ROBO2: variants seen among roughly 807,000 people sequenced by gnomAD.
ROBO2 encodes the protein roundabout homolog 2.
ROBO2 carries 53 observed loss-of-function variants against 160.8 expected under a neutral mutation model. That is an observed-to-expected ratio of 0.33 (90% CI 0.26 to 0.41). The LOEUF (loss-of-function observed/expected upper bound fraction) is 0.41. Ranked by LOEUF, ROBO2 falls within the 10% of genes least tolerant of loss-of-function variation. The pLI, the probability that ROBO2 is intolerant of heterozygous loss-of-function variation, is 1.00. For missense variants in ROBO2, 1,577 were observed against 1,722.4 expected (o/e 0.92, Z 1.49); for synonymous variants, 664 against 611.7 (o/e 1.09, Z -1.26).
At chr3:77,136,311 G>A (rs1464175511) in intron 2 of ROBO2, among the ~76,000 whole-genome samples, 5 of 151,926 alleles carry the variant, frequency 3.3e-5, no homozygotes, top group Non-Finnish European at 7.4e-5. Context: ...GCCTAAGTCT[G>A]ACTTAAGATT....
intron 8 of ROBO2, among the ~76,000 whole-genome samples, chr3:77,552,328 A>T (rs1299926129): frequency 2.0e-5 from 3 of 152,038 alleles, no homozygotes; most frequent in African/African-American, 7.2e-5. Flanking sequence ...ATTTTATAGA[A>T]GATTGACTCT....
At chr3:76,313,698 A>T (rs1447234278) in intron 2 of ROBO2, among the ~76,000 whole-genome samples, 1 of 152,130 alleles carries the variant, frequency 6.6e-6, no homozygotes, top group African/African-American at 2.4e-5. Flanking sequence ...ATTTCTAAAA[A>T]TCCTGGAAAA....
intron 2 of ROBO2, among the ~76,000 whole-genome samples, chr3:75,992,897 G>A (rs1386727575): frequency 2.6e-5 from 4 of 152,228 alleles, no homozygotes; most frequent in Non-Finnish European, 1.5e-5. Flanking sequence ...TGCCCTGCTG[G>A]ATTTTGGACT....
chr3:76,215,256 C>T (rs1703429047), intron 2 of ROBO2, among the ~76,000 whole-genome samples: 1 of 152,174 alleles, frequency 6.6e-6, no homozygotes, highest in Non-Finnish European at 1.5e-5. Context: ...TCGAGCACCT[C>T]TCCTCCTCCA....
At chr3:77,514,524 C>T (rs1045563992) in intron 5 of ROBO2, among the ~76,000 whole-genome samples, 2 of 151,712 alleles carry the variant, frequency 1.3e-5, no homozygotes, top group Non-Finnish European at 2.9e-5. Flanking sequence ...AATAAATGTA[C>T]TTATAAAGAG....
At chr3:76,882,227 T>C (rs1398541836) in intron 2 of ROBO2, among the ~76,000 whole-genome samples, 2 of 152,090 alleles carry the variant, frequency 1.3e-5, no homozygotes, top group African/African-American at 4.8e-5. Context: ...GTTGTTGCTG[T>C]GGTTGTTAGT....
intron 1 of ROBO2, among the ~76,000 whole-genome samples, chr3:75,919,809 CT>C (rs1403514049): frequency 1.3e-5 from 2 of 152,106 alleles, no homozygotes; most frequent in Non-Finnish European, 2.9e-5. Context: ...TCTAGATTTT[CT>C]AGTTTATTTG....
In ROBO2 at chr3:77,477,496, C is replaced by T. The variant is rs201406456; in HGVS notation, c.471C>T (p.Pro157=). The T allele has an allele frequency of 4.0e-4, 644 of 1,613,910 alleles. 2 individuals carry two copies. The highest frequency in any genetic ancestry group is 1.6e-3 in the East Asian group (70 of 44,864). ...CTGCAATCCTGGAGTGCCAGCCTCC[C>T]CGGGGACACCCAGAACCCACCATCT... is the stretch of plus-strand genomic sequence containing the variant. The change falls in exon 3 of 26, where the codon CCC becomes CCT. Residue 157 remains proline (P), a synonymous_variant. Transcript: ENST00000461745.
At chr3:76,118,402 A>G (rs2070569558) in intron 2 of ROBO2, among the ~76,000 whole-genome samples, 1 of 152,200 alleles carries the variant, frequency 6.6e-6, no homozygotes, top group Non-Finnish European at 1.5e-5. Context: ...ATAGCTCACT[A>G]AAGCATTATC....
At chr3:77,498,078 TATTTC>T (rs1218145884) in intron 5 of ROBO2, among the ~76,000 whole-genome samples, 2 of 152,184 alleles carry the variant, frequency 1.3e-5, no homozygotes, top group African/African-American at 2.4e-5. Flanking sequence ...GCAGAGTTTG[TATTTC>T]ATTTCATTAT....
chr3:77,596,646 G>A, exon 19 of ROBO2: 1 of 1,613,928 alleles, frequency 6.2e-7, no homozygotes, highest in South Asian at 1.1e-5. Flanking sequence ...CTCAATGCTG[G>A]TGATCCCAGC....
At chr3:76,081,615 G>T (rs1025817393) in intron 2 of ROBO2, among the ~76,000 whole-genome samples, 36 of 152,080 alleles carry the variant, frequency 2.4e-4, no homozygotes, top group African/African-American at 8.4e-4. Flanking sequence ...ACTTCACTCA[G>T]CTCCTACAGA....
chr3:75,979,488 C>A (rs1339955274), intron 2 of ROBO2, among the ~76,000 whole-genome samples: 4 of 151,248 alleles, frequency 2.6e-5, no homozygotes, highest in Non-Finnish European at 4.4e-5. Flanking sequence ...TAAGTGATTA[C>A]ATTGGAAAAA....
chr3:77,380,961 C>G (rs1269109619), intron 2 of ROBO2, among the ~76,000 whole-genome samples: 1 of 152,078 alleles, frequency 6.6e-6, no homozygotes, highest in East Asian at 1.9e-4. Context: ...AAATCCCCAC[C>G]ACTACCCTTG....
chr3:76,434,596 C>T (rs17736249), intron 2 of ROBO2: 62,344 of 1,564,348 alleles, frequency 0.04, 1,485 homozygotes, highest in Middle Eastern at 0.093. Flanking sequence ...TTAAGGAGTT[C>T]CATACCACTG....
intron 17 of ROBO2, among the ~76,000 whole-genome samples, chr3:77,594,417 C>T (rs1488297700): frequency 6.6e-6 from 1 of 152,112 alleles, no homozygotes; most frequent in Admixed American, 6.6e-5. Context: ...TTGAAACTAT[C>T]GGCTGGAGAG....
chr3:75,993,403 CATGT>C (rs1371382451), intron 2 of ROBO2, among the ~76,000 whole-genome samples: 1 of 152,138 alleles, frequency 6.6e-6, no homozygotes, highest in African/African-American at 2.4e-5. Context: ...TGCTACCATG[CATGT>C]AAGATTTGAC....
At chr3:77,442,929 C>G (rs1415733968) in intron 2 of ROBO2, among the ~76,000 whole-genome samples, 1 of 152,160 alleles carries the variant, frequency 6.6e-6, no homozygotes, top group Non-Finnish European at 1.5e-5. Context: ...GGACTCCAAC[C>G]TCTGCATGAA....
intron 5 of ROBO2, among the ~76,000 whole-genome samples, chr3:77,518,230 G>A (rs1235449429): frequency 2.6e-5 from 4 of 151,484 alleles, no homozygotes; most frequent in Non-Finnish European, 5.9e-5. Context: ...CTGATTGGTT[G>A]CATGCTGCAG....
Sources: allele counts gnomAD v4.1 joint callset (sites outside exome capture counted in the v4.1 genomes callset), GRCh38; gene constraint gnomAD v4.1.1; transcripts MANE v1.5; gene names NCBI Gene and HGNC (gene_info 2026-07-23, HGNC 2026-07-21).